ODAD3: variants seen among roughly 807,000 people sequenced by gnomAD.
The protein encoded by ODAD3 is outer dynein arm-docking complex subunit 3.
In ODAD3, 57 loss-of-function variants were observed where a neutral mutation model predicts 70.9. That is an observed-to-expected ratio of 0.80 (90% confidence interval 0.65 to 1.00). The LOEUF (loss-of-function observed/expected upper bound fraction) is 1.00. Ranked by LOEUF, ODAD3 falls within the 50% of genes least tolerant of loss-of-function variation. The probability of loss-of-function intolerance (pLI) is 0.00; values close to 1 mark genes in which losing one functional copy is unlikely to be tolerated. For missense variants in ODAD3, 797 were observed against 763.9 expected (o/e 1.04, Z -0.51); for synonymous variants, 327 against 315.9 (o/e 1.04, Z -0.37).
In ODAD3 at chr19:11,425,122, C is replaced by CATATGTGTAT. The variant is rs1555722223; in HGVS notation, c.963+1012_963+1021dup. 3.2e-4 allele frequency among the ~76,000 whole-genome samples: 37 copies of CATATGTGTAT among 116,606 alleles called. 6 individuals carry two copies. Among genetic ancestry groups the CATATGTGTAT allele is most frequent in the African/African-American group, 1.6e-3 (36 of 22,446 alleles). The allele number at this position is 116,606 out of a possible 152,430, so 76.5% of individuals were successfully genotyped here. The stretch of plus-strand genomic sequence containing the variant: ...ATATATGTATATATGTGTATATGTA[C>CATATGTGTAT]ATATGTGTATATGTGTATATGTACA... On this transcript the variant is annotated intron_variant, in intron 7 of 12. Coordinates refer to ENST00000356392, the MANE Select transcript of ODAD3 (RefSeq NM_145045.5).
intron 3 of ODAD3, among the ~76,000 whole-genome samples, chr19:11,429,902 A>G (rs992542014): frequency 2.0e-5 from 3 of 149,534 alleles, no homozygotes; most frequent in African/African-American, 5.0e-5. Context: ...CAGTGGTGCA[A>G]TTGTGGCTCA....
chr19:11,429,999 T>C (rs1478937356), intron 3 of ODAD3, among the ~76,000 whole-genome samples: 1 of 151,652 alleles, frequency 6.6e-6, no homozygotes, highest in East Asian at 1.9e-4. Context: ...CACTGGTCAT[T>C]GTTTTCGTTT....
In ODAD3 at chr19:11,426,929, T is replaced by C; in HGVS notation, c.556A>G (p.Ser186Gly). ...TCCGCCATCTCCAGAAGGCGCAGGC[T>C]GTGCTGCAGCTGGAGCTCCTCCAGC... ...RRLEELQLQH[S>G]LRLLEMAEAQ... The change falls in exon 4 of 13, where the codon AGC becomes GGC. Residue 186 changes from serine to glycine, a missense_variant. By Grantham distance (56) the Ser-to-Gly change is moderately conservative. Coordinates refer to ENST00000356392, the MANE Select transcript of ODAD3 (RefSeq NM_145045.5). 6.2e-7 allele frequency: 1 copy of C among 1,610,324 alleles called. No individual in the cohort carries two copies. The highest frequency in any genetic ancestry group is 1.7e-4 in the Middle Eastern group (1 of 6,054).
At chr19:11,421,101 C>T (rs777498520) in intron 12 of ODAD3, 27 bp downstream of exon 12, 23 of 1,611,310 alleles carry the variant, frequency 1.4e-5, no homozygotes, top group Non-Finnish European at 2.0e-5. Flanking sequence ...CCCAACCGCA[C>T]CCCTTCATCC....
rs1379107365 is a variant in ODAD3 at position 11,420,926 on chromosome 19, T to G, written c.1697A>C (p.Asp566Ala). The change falls in exon 13 of 13, where the codon GAC becomes GCC. Residue 566 changes from aspartate to alanine, a missense_variant. Asp to Ala is a moderately radical substitution (Grantham distance 126). Transcript: ENST00000356392. Reference protein sequence around the residue: ...KFFDEESEEEDNEVVTRASLK... With the variant: ...KFFDEESEEEANEVVTRASLK... ...TGATGCGCGGGTCACTACCTCGTTG[T>G]CCTCCTCCTCACTCTCTTCGTCTAA... 9 of 1,610,808 alleles carry G rather than the reference T, an allele frequency of 5.6e-6. No individual in the cohort carries two copies. Among genetic ancestry groups the G allele is most frequent in the Non-Finnish European group, 7.6e-6 (9 of 1,177,774 alleles).
rs1397578882 is a variant in ODAD3, at chr19:11,431,007, C to T, written c.258G>A (p.Lys86=). The change falls in exon 2 of 13, where the codon AAG becomes AAA. Residue 86 remains lysine, a synonymous_variant. Coordinates refer to ENST00000356392, the MANE Select transcript of ODAD3 (RefSeq NM_145045.5). ...KKIQLLEGDR[K]AFFESSQWNI... ...TCCACTGAGAGCTCTCAAAAAAAGC[C>T]TTCCGGTCACCCTCTGGCAGGCAGG... 1 of 1,614,138 alleles carries T rather than the reference C, an allele frequency of 6.2e-7. No homozygotes were observed. Among genetic ancestry groups the T allele is most frequent in the Non-Finnish European group, 8.5e-7 (1 of 1,180,038 alleles).
Position 11,426,928 on chromosome 19 carries a change from C to G in ODAD3, c.557G>C (p.Ser186Thr). ...RRLEELQLQHSLRLLEMAEAQ... is the reference protein window; with the variant it reads ...RRLEELQLQHTLRLLEMAEAQ... The stretch of plus-strand genomic sequence containing the variant: ...CTCCGCCATCTCCAGAAGGCGCAGG[C>G]TGTGCTGCAGCTGGAGCTCCTCCAG... The change falls in exon 4 of 13, where the codon AGC (serine) becomes ACC (threonine). Residue 186 changes from serine to threonine, a missense_variant. By Grantham distance (58) the Ser-to-Thr change is moderately conservative. Transcript: ENST00000356392. The G allele has an allele frequency of 6.2e-7, 1 of 1,610,344 alleles. No homozygotes were observed. Among genetic ancestry groups the G allele is most frequent in the Non-Finnish European group, 8.5e-7 (1 of 1,179,342 alleles).
chr19:11,427,159 T>C (rs1969398887), intron 3 of ODAD3, 119 bp from the exon 4 acceptor site: 3 of 1,121,186 alleles, frequency 2.7e-6, no homozygotes, highest in East Asian at 2.6e-5. Context: ...TCCCGTTTTC[T>C]ACCCACCTCC....
At chr19:11,425,211 ATGTGTATATATG>A (rs1270648968) in intron 7 of ODAD3, among the ~76,000 whole-genome samples, 2 of 137,386 alleles carry the variant, frequency 1.5e-5, no homozygotes, top group East Asian at 2.3e-4. Context: ...ATGTGTACAT[ATGTGTATATATG>A]TGTGTATATG....
At chr19:11,428,362 G>C (rs145561368) in intron 3 of ODAD3, among the ~76,000 whole-genome samples, 3 of 151,496 alleles carry the variant, frequency 2.0e-5, no homozygotes, top group Non-Finnish European at 4.4e-5. Flanking sequence ...CCTCCTCAGC[G>C]TCCTCAGTTG....
At chr19:11,429,903 T>C (rs999987062) in intron 3 of ODAD3, among the ~76,000 whole-genome samples, 17 of 151,170 alleles carry the variant, frequency 1.1e-4, no homozygotes, top group Admixed American at 8.6e-4. Flanking sequence ...AGTGGTGCAA[T>C]TGTGGCTCAT....
chr19:11,426,854 A>G lies in ODAD3; in HGVS notation c.612+19T>C. On this transcript the variant is annotated intron_variant, in intron 4 of 12. Coordinates refer to ENST00000356392, the MANE Select transcript of ODAD3 (RefSeq NM_145045.5). ...CCTCCCACACGACCCTCTGCCCTGC[A>G]GGCCTCACCCGCCCCTACCTTGGCC... 1 of 1,610,828 alleles carries G rather than the reference A, an allele frequency of 6.2e-7. No homozygotes were observed. Among genetic ancestry groups the G allele is most frequent in the Non-Finnish European group, 8.5e-7 (1 of 1,178,180 alleles).
chr19:11,423,205 C>G (rs1969183132), intron 8 of ODAD3, among the ~76,000 whole-genome samples: 1 of 152,224 alleles, frequency 6.6e-6, no homozygotes, highest in Non-Finnish European at 1.5e-5. Flanking sequence ...AAATACCGCC[C>G]GTCTTCGGAG....
chr19:11,435,497 TCA>T (rs1359636231), upstream of ODAD3: 3 of 408,422 alleles, frequency 7.3e-6, no homozygotes, highest in African/African-American at 2.1e-5. Context: ...CTCTAAGGTT[TCA>T]CAGTCCTGCC....
intron 7 of ODAD3, among the ~76,000 whole-genome samples, chr19:11,425,409 A>G (rs962775629): frequency 3.6e-5 from 4 of 110,100 alleles, no homozygotes; most frequent in African/African-American, 2.0e-4. Context: ...ATGTATATAT[A>G]CATATATGTG....
intron 3 of ODAD3, among the ~76,000 whole-genome samples, chr19:11,427,477 T>C (rs989549814): frequency 8.9e-6 from 1 of 112,776 alleles, no homozygotes; most frequent in Non-Finnish European, 1.8e-5. Context: ...GTTTTTGTTT[T>C]CTTTTCTTTT....
Position 11,434,998 on chromosome 19 carries a change from T to G in ODAD3, c.19A>C (p.Arg7=). 1 of 1,612,014 alleles carries G rather than the reference T, an allele frequency of 6.2e-7. No individual in the cohort carries two copies. The highest frequency in any genetic ancestry group is 8.5e-7 in the Non-Finnish European group (1 of 1,179,912). The change falls in exon 1 of 13, where the codon AGG becomes CGG. Residue 7 remains arginine, a synonymous_variant. Transcript: ENST00000356392. MTSPLC[R]AASANALPPQ... ...GGCAGGGCGTTGGCGGAGGCCGCCCTGCACAGAGGAGATGTCATGATGGGG... is the reference window on the plus strand; with the variant it reads ...GGCAGGGCGTTGGCGGAGGCCGCCCGGCACAGAGGAGATGTCATGATGGGG...
chr19:11,423,999 C>A lies in ODAD3; in HGVS notation c.994G>T (p.Asp332Tyr). ...THREHLLLQS[D>Y]DTIQDSLHAK... is the part of the protein sequence containing the mutation. Reference sequence around the variant, plus strand: ...TGCAGGCTGTCCTGGATGGTGTCGTCGGACTGTAGCAGCAGGTGCTCGCGG... The same window carrying A: ...TGCAGGCTGTCCTGGATGGTGTCGTAGGACTGTAGCAGCAGGTGCTCGCGG... Residue 332 changes from aspartate to tyrosine, a missense_variant, in exon 8 of 13, where the codon GAC becomes TAC. Transcript: ENST00000356392. The A allele has an allele frequency of 6.2e-7, 1 of 1,611,718 alleles. No individual in the cohort carries two copies. The highest frequency in any genetic ancestry group is 1.3e-5 in the African/African-American group (1 of 74,998).
rs757234621 is a variant in ODAD3 at position 11,426,582 on chromosome 19, G to A, written c.715-11C>T. The A allele has an allele frequency of 2.5e-6, 4 of 1,613,884 alleles. No homozygotes were observed. The East Asian group carries it at 6.7e-5, about 27-fold the overall frequency. On this transcript the variant is annotated splice_polypyrimidine_tract_variant and intron_variant, in intron 5 of 12. Transcript: ENST00000356392. ...GTTGAGGCTCTCGTCCTGGGGCGTG[G>A]TGGGGAGGGGTAGCGGAGATGGTGC...
Sources: gnomAD v4.1 joint callset for allele counts (sites outside exome capture counted in the v4.1 genomes callset) on GRCh38, gnomAD v4.1.1 for gene constraint, MANE v1.5 for transcripts, NCBI Gene and HGNC (gene_info 2026-07-23, HGNC 2026-07-21) for gene names.